TMEM72: variants seen among roughly 807,000 people sequenced by gnomAD.
TMEM72 encodes kidney-specific secretory protein of 37 kDa.
TMEM72 carries 9 observed loss-of-function variants against 16.3 expected under a neutral mutation model. The observed-to-expected ratio is 0.55, with a 90% CI of 0.33 to 0.96. The LOEUF (loss-of-function observed/expected upper bound fraction) is 0.96, where lower values mean the gene tolerates loss of function less well. Ranked by LOEUF, TMEM72 falls within the 40% of genes least tolerant of loss-of-function variation. The probability of loss-of-function intolerance (pLI) is 0.03; values close to 1 mark genes in which losing one functional copy is unlikely to be tolerated. For synonymous variants in TMEM72, 160 were observed against 146.5 expected (o/e 1.09, Z -0.66); for missense variants, 324 against 337.8 (o/e 0.96, Z 0.32).
intron 2 of TMEM72, among the ~76,000 whole-genome samples, chr10:44,931,424 G>C (rs947402071): frequency 3.3e-5 from 5 of 152,202 alleles, no homozygotes; most frequent in African/African-American, 1.2e-4. Flanking sequence ...AGATTCAGGT[G>C]TCAGGCAGCC....
At chr10:44,916,962 A>C (rs111687407) in intron 1 of TMEM72, among the ~76,000 whole-genome samples, 15,185 of 152,206 alleles carry the variant, frequency 0.1, 813 homozygotes, top group South Asian at 0.17. Context: ...CTGAATCAGG[A>C]TTAAAAAGCA....
intron 1 of TMEM72, among the ~76,000 whole-genome samples, chr10:44,917,733 C>G (rs1410775370): frequency 1.3e-5 from 2 of 152,030 alleles, no homozygotes; most frequent in Non-Finnish European, 2.9e-5. Flanking sequence ...ATGAAGAAGC[C>G]TGATGTGTGT....
At chr10:44,933,408 C>A in intron 3 of TMEM72, among the ~76,000 whole-genome samples, 1 of 152,248 alleles carries the variant, frequency 6.6e-6, no homozygotes, top group East Asian at 1.9e-4. Context: ...TCCCCTTCGA[C>A]CAGAAAAACA....
In TMEM72 at chr10:44,934,656, G is replaced by T; in HGVS notation, c.350G>T (p.Gly117Val). Residue 117 changes from glycine (G) to valine (V), a missense_variant and splice_region_variant, in exon 5 of 5, where the codon GGC becomes GTC. Transcript: ENST00000389583. Reference sequence around the variant, plus strand: ...GCCCTGACCTCTGGCTCTTTTCCAGGCTCCATGCTCATCATCACCGGCCTG... The same window carrying T: ...GCCCTGACCTCTGGCTCTTTTCCAGTCTCCATGCTCATCATCACCGGCCTG... ...PVLVWHVTIP[G>V]SMLIITGLAY... 2 of 1,564,540 alleles carry T rather than the reference G, an allele frequency of 1.3e-6. No homozygotes were observed. The highest frequency in any genetic ancestry group is 1.7e-6 in the Non-Finnish European group (2 of 1,156,882).
intron 1 of TMEM72, among the ~76,000 whole-genome samples, chr10:44,913,488 GC>G (rs1839968013): frequency 6.6e-6 from 1 of 152,084 alleles, no homozygotes; most frequent in Non-Finnish European, 1.5e-5. Flanking sequence ...AAACCCGTGC[GC>G]GCGCACATAG....
intron 2 of TMEM72, among the ~76,000 whole-genome samples, chr10:44,930,022 T>C (rs553956262): frequency 5.3e-5 from 8 of 152,320 alleles, no homozygotes; most frequent in African/African-American, 1.9e-4. Flanking sequence ...TCCTCTCCAG[T>C]GGGTCCCTAA....
chr10:44,920,518 A>T (rs1840078953), intron 1 of TMEM72, among the ~76,000 whole-genome samples: 2 of 152,220 alleles, frequency 1.3e-5, no homozygotes, highest in Non-Finnish European at 2.9e-5. Context: ...TGGGTCACTT[A>T]TATCCCAACT....
At chr10:44,934,625 T>G in intron 4 of TMEM72, 31 bp from the exon 5 acceptor site, 2 of 1,524,192 alleles carry the variant, frequency 1.3e-6, no homozygotes, top group East Asian at 4.5e-5. Flanking sequence ...CCGTGACTCC[T>G]CTAGAGCCCT....
In TMEM72 at chr10:44,935,166, A is replaced by AG; in HGVS notation, c.*36dup. The AG allele has an allele frequency of 2.0e-6, 3 of 1,537,672 alleles. No individual in the cohort carries two copies. Among genetic ancestry groups the AG allele is most frequent in the Middle Eastern group, 2.4e-4 (1 of 4,130 alleles). ...GCTCCAGCCTGGAGGACGCTCAGTG[A>AG]GGGGTCTACCTAGCTCAATGGCCCT... is the stretch of plus-strand genomic sequence containing the variant. On this transcript the variant is annotated 3_prime_UTR_variant, in exon 5 of 5. Coordinates refer to ENST00000389583, the MANE Select transcript of TMEM72 (RefSeq NM_001123376.3).
chr10:44,930,846 G>C (rs1048936266), intron 2 of TMEM72, among the ~76,000 whole-genome samples: 1 of 152,200 alleles, frequency 6.6e-6, no homozygotes, highest in Admixed American at 6.5e-5. Context: ...GTTTACAGCT[G>C]AGGAAACTAA....
chr10:44,920,688 G>A (rs1375042014), intron 1 of TMEM72, among the ~76,000 whole-genome samples: 3 of 152,140 alleles, frequency 2.0e-5, no homozygotes, highest in Admixed American at 6.5e-5. Flanking sequence ...GATGGGAACC[G>A]CCTGCCTCTT....
At chr10:44,927,696 CAGA>C (rs1240978388) in intron 1 of TMEM72, among the ~76,000 whole-genome samples, 1 of 152,236 alleles carries the variant, frequency 6.6e-6, no homozygotes, top group Admixed American at 6.5e-5. Context: ...GAAGCTTAAT[CAGA>C]AGACCTCTGG....
chr10:44,914,992 C>A (rs1158329288), intron 1 of TMEM72, among the ~76,000 whole-genome samples: 1 of 152,180 alleles, frequency 6.6e-6, no homozygotes, highest in South Asian at 2.1e-4. Flanking sequence ...ACAGAGGAGG[C>A]ACCTCTCAGG....
intron 1 of TMEM72, among the ~76,000 whole-genome samples, chr10:44,912,242 A>G (rs1476480319): frequency 2.0e-5 from 3 of 152,178 alleles, no homozygotes; most frequent in African/African-American, 7.2e-5. Context: ...GCAGAATCAC[A>G]GGGCTGCTCA....
chr10:44,917,609 T>C (rs1840031334), intron 1 of TMEM72, among the ~76,000 whole-genome samples: 1 of 152,152 alleles, frequency 6.6e-6, no homozygotes, highest in East Asian at 1.9e-4. Flanking sequence ...TGTCCTGGGT[T>C]CTATTCAGCC....
At chr10:44,917,860 G>A (rs369102858) in intron 1 of TMEM72, among the ~76,000 whole-genome samples, 96 of 152,282 alleles carry the variant, frequency 6.3e-4, no homozygotes, top group African/African-American at 2.1e-3. Context: ...TGAATACCTC[G>A]GTTCTCCCTG....
At chr10:44,920,877 A>G (rs1233083727) in intron 1 of TMEM72, among the ~76,000 whole-genome samples, 1 of 152,174 alleles carries the variant, frequency 6.6e-6, no homozygotes, top group Non-Finnish European at 1.5e-5. Flanking sequence ...TGCAGGCCCC[A>G]TATTCTTTCT....
At chr10:44,928,655 C>T (rs566473265) in intron 2 of TMEM72, among the ~76,000 whole-genome samples, 1 of 102,798 alleles carries the variant, frequency 9.7e-6, no homozygotes, top group Admixed American at 8.7e-5. Flanking sequence ...ACTACCCATA[C>T]ACCCAACCAT....
At position 44,934,915 on chromosome 10, in the gene TMEM72, C is replaced by T; in HGVS notation, c.609C>T (p.Asn203=). 6.2e-7 allele frequency: 1 copy of T among 1,613,610 alleles called. No homozygotes were observed. Among genetic ancestry groups the T allele is most frequent in the South Asian group, 1.1e-5 (1 of 91,010 alleles). ...TKKPSALQPP[N]TLMELSLEPA... ...AGCCCAGTGCCCTCCAGCCCCCCAA[C>T]ACCCTGATGGAGCTGAGCCTGGAGC... Residue 203 remains asparagine, a synonymous_variant, in exon 5 of 5, where the codon AAC becomes AAT. Coordinates refer to ENST00000389583, the MANE Select transcript of TMEM72 (RefSeq NM_001123376.3).
Sources: allele counts gnomAD v4.1 joint callset (sites outside exome capture counted in the v4.1 genomes callset), GRCh38; gene constraint gnomAD v4.1.1; transcripts MANE v1.5; gene names NCBI Gene and HGNC (gene_info 2026-07-23, HGNC 2026-07-21).